The following MACROD2 variants were observed in gnomAD, a reference collection of about 807,000 sequenced individuals.
MACROD2 encodes mono-ADP ribosylhydrolase 2, also known as ADP-ribose glycohydrolase MACROD2.
Under a neutral mutation model 70.4 loss-of-function variants are expected in MACROD2, and 36 were observed. The observed-to-expected ratio is 0.51, with a 90% confidence interval of 0.39 to 0.68. MACROD2 has a LOEUF of 0.68. Among genes scored for constraint, MACROD2 ranks in the 30% least tolerant of loss-of-function variants. The probability of loss-of-function intolerance (pLI) is 0.00; values close to 1 mark genes in which losing one functional copy is unlikely to be tolerated. For synonymous variants in MACROD2, 172 were observed against 178.8 expected (o/e 0.96, Z 0.30); for missense variants, 496 against 538.4 (o/e 0.92, Z 0.78).
At chr20:15,488,870 CA>C (rs1463922582) in intron 7 of MACROD2, among the ~76,000 whole-genome samples, 9 of 152,232 alleles carry the variant, frequency 5.9e-5, no homozygotes, top group African/African-American at 1.9e-4. Context: ...AAGACTTATC[CA>C]GGGGTAGCAG....
chr20:15,292,826 C>A (rs1244978504), intron 6 of MACROD2, among the ~76,000 whole-genome samples: 29 of 152,122 alleles, frequency 1.9e-4, no homozygotes, highest in Non-Finnish European at 2.9e-5. Flanking sequence ...TTCCATTCAA[C>A]TGTATTTTTT....
chr20:15,542,289 C>T (rs879548239), intron 8 of MACROD2, among the ~76,000 whole-genome samples: 3 of 152,076 alleles, frequency 2.0e-5, no homozygotes, highest in Admixed American at 6.5e-5. Context: ...AATAACATTA[C>T]CTTTTAGGGT....
chr20:15,593,157 GC>G (rs527485560), intron 8 of MACROD2, among the ~76,000 whole-genome samples: 95 of 152,240 alleles, frequency 6.2e-4, no homozygotes, highest in African/African-American at 2.1e-3. Flanking sequence ...GTGATATGAA[GC>G]AATTATCAAG....
intron 8 of MACROD2, among the ~76,000 whole-genome samples, chr20:15,583,251 C>CT (rs1283242228): frequency 2.0e-5 from 3 of 152,200 alleles, no homozygotes; most frequent in Non-Finnish European, 4.4e-5. Flanking sequence ...TCAGTTATCT[C>CT]TACAACTTCT....
intron 4 of MACROD2, among the ~76,000 whole-genome samples, chr20:14,556,199 T>C (rs1400970314): frequency 6.6e-6 from 1 of 152,030 alleles, no homozygotes; most frequent in Non-Finnish European, 1.5e-5. Context: ...AATACTAAAA[T>C]GAAATATTAC....
intron 5 of MACROD2, among the ~76,000 whole-genome samples, chr20:15,001,369 A>G (rs899090642): frequency 6.6e-6 from 1 of 152,178 alleles, no homozygotes; most frequent in Non-Finnish European, 1.5e-5. Context: ...GGATAAAAGA[A>G]AAGTAGCACA....
chr20:14,271,243 C>G, intron 3 of MACROD2, among the ~76,000 whole-genome samples: 1 of 152,182 alleles, frequency 6.6e-6, no homozygotes, highest in Non-Finnish European at 1.5e-5. Context: ...GAGGCACCCC[C>G]CAGTAGGGGC....
chr20:15,288,631 G>A lies in MACROD2; in HGVS notation c.540+58570G>A, dbSNP rs192665260. Among the ~76,000 whole-genome samples the A allele has an allele frequency of 1.2e-3, 180 of 152,198 alleles. 1 individual carries two copies. The highest frequency in any genetic ancestry group is 4.2e-3 in the Admixed American group (64 of 15,284). ...TTTTCTCTTCCGGAACTAGGATCCC[G>A]TTTTCTCCTGTCCTTGCACATTGGA... On this transcript the variant is annotated intron_variant, in intron 6 of 17. Coordinates refer to ENST00000684519, the MANE Select transcript of MACROD2 (RefSeq NM_001351661.2).
At chr20:15,646,932 G>T (rs973248116) in intron 8 of MACROD2, among the ~76,000 whole-genome samples, 8 of 152,302 alleles carry the variant, frequency 5.3e-5, no homozygotes, top group African/African-American at 1.7e-4. Context: ...ACACAGCACA[G>T]ACATAGTGCA....
rs145480483 is a variant in MACROD2, at chr20:15,438,411, T to G, written c.571+6976T>G. Among the ~76,000 whole-genome samples, 1,327 of 152,298 alleles carry G rather than the reference T, an allele frequency of 8.7e-3. 14 individuals carry two copies. Among genetic ancestry groups the G allele is most frequent in the African/African-American group, 0.029 (1,210 of 41,568 alleles). ...GATGGTATCTCACCGTGGTTTTGATTTGCATTTGTCTAATGATAAGTGCAT... is the reference window on the plus strand; with the variant it reads ...GATGGTATCTCACCGTGGTTTTGATGTGCATTTGTCTAATGATAAGTGCAT... On this transcript the variant is annotated intron_variant, in intron 7 of 17. Coordinates refer to ENST00000684519, the MANE Select transcript of MACROD2 (RefSeq NM_001351661.2).
intron 6 of MACROD2, among the ~76,000 whole-genome samples, chr20:15,426,835 T>C (rs1444178908): frequency 1.3e-5 from 2 of 152,150 alleles, no homozygotes; most frequent in Non-Finnish European, 2.9e-5. Context: ...CATGGGATAG[T>C]ATTTGCATGG....
chr20:14,862,206 AAT>A (rs547904578), intron 5 of MACROD2, among the ~76,000 whole-genome samples: 1,937 of 14,406 alleles, frequency 0.13, 264 homozygotes, highest in Middle Eastern at 0.25. Flanking sequence ...TAAATATATA[AAT>A]ATATATATAT....
intron 5 of MACROD2, among the ~76,000 whole-genome samples, chr20:14,828,063 A>AT (rs2072922486): frequency 2.0e-5 from 3 of 152,110 alleles, no homozygotes; most frequent in Non-Finnish European, 4.4e-5. Flanking sequence ...AAAGAAAATA[A>AT]AGATGATATA....
At chr20:14,886,195 G>A (rs754107113) in intron 5 of MACROD2, among the ~76,000 whole-genome samples, 17 of 152,170 alleles carry the variant, frequency 1.1e-4, no homozygotes, top group Admixed American at 5.9e-4. Context: ...CTTGATTGAA[G>A]TGAGGGGTCT....
intron 5 of MACROD2, among the ~76,000 whole-genome samples, chr20:14,908,548 G>T (rs973308058): frequency 6.6e-6 from 1 of 151,422 alleles, no homozygotes; most frequent in Non-Finnish European, 1.5e-5. Context: ...CCAGCTACTC[G>T]GGAGGCTGAG....
chr20:14,022,921 G>A (rs1312758674), intron 2 of MACROD2, among the ~76,000 whole-genome samples: 1 of 152,200 alleles, frequency 6.6e-6, no homozygotes, highest in Non-Finnish European at 1.5e-5. Flanking sequence ...CTTTATAGTA[G>A]AATGACTTAT....
chr20:14,956,639 C>T (rs1023405185), intron 5 of MACROD2, among the ~76,000 whole-genome samples: 1 of 152,084 alleles, frequency 6.6e-6, no homozygotes, highest in Non-Finnish European at 1.5e-5. Flanking sequence ...GAGGACATAA[C>T]CATGTTAATT....
chr20:16,044,729 C>A, intron 17 of MACROD2, 90 bp downstream of exon 17: 2 of 1,148,112 alleles, frequency 1.7e-6, no homozygotes, highest in South Asian at 1.3e-5. Context: ...TTGGTTTTGC[C>A]AAGTCCCCAC....
intron 4 of MACROD2, among the ~76,000 whole-genome samples, chr20:14,551,189 A>G (rs4141730): frequency 6.6e-6 from 1 of 152,164 alleles, no homozygotes; most frequent in Non-Finnish European, 1.5e-5. Context: ...CATGAAAATT[A>G]AGATTTAATT....
Sources: allele counts gnomAD v4.1 joint callset (sites outside exome capture counted in the v4.1 genomes callset), GRCh38; gene constraint gnomAD v4.1.1; transcripts MANE v1.5; gene names NCBI Gene and HGNC (gene_info 2026-07-23, HGNC 2026-07-21).